The following ATE1 variants were observed in gnomAD, a reference collection of about 807,000 sequenced individuals.
ATE1 encodes the protein arginyltransferase 1, also known as arginyl-tRNA--protein transferase 1.
A neutral mutation model predicts 70.5 loss-of-function variants in ATE1; 36 were observed. That is an observed-to-expected ratio of 0.51 (90% CI 0.39 to 0.67). ATE1 has a LOEUF of 0.67. Among genes scored for constraint, ATE1 ranks in the 30% least tolerant of loss-of-function variants. ATE1 has a pLI of 0.00. For missense variants in ATE1, 593 were observed against 629.5 expected, an observed-to-expected ratio of 0.94 and a Z score of 0.62; for synonymous variants, 232 against 219.3, an observed-to-expected ratio of 1.06 and a Z score of -0.51.
At chr10:121,835,918 A>G (rs1948415865) in intron 10 of ATE1, among the ~76,000 whole-genome samples, 1 of 151,992 alleles carries the variant, frequency 6.6e-6, no homozygotes, top group African/African-American at 2.4e-5. Flanking sequence ...GTTAAGTCAT[A>G]TTTCTATGTG....
At chr10:121,856,877 A>G (rs1949269543) in intron 8 of ATE1, among the ~76,000 whole-genome samples, 1 of 152,212 alleles carries the variant, frequency 6.6e-6, no homozygotes, top group Non-Finnish European at 1.5e-5. Flanking sequence ...GTTGGTTTCT[A>G]AAGAGAATAG....
chr10:121,880,588 T>C (rs1051457508), intron 7 of ATE1, among the ~76,000 whole-genome samples: 1 of 150,270 alleles, frequency 6.7e-6, no homozygotes, highest in Admixed American at 6.7e-5. Flanking sequence ...TGTATATATA[T>C]ATAAATATTT....
Position 121,908,893 on chromosome 10 carries a change from A to T in ATE1, c.583+2013T>A, listed in dbSNP as rs548564142. 2.0e-5 allele frequency among the ~76,000 whole-genome samples: 3 copies of T among 152,374 alleles called. No homozygotes were observed. In the East Asian group the frequency reaches 5.8e-4, roughly 29 times the overall value. ...CGGGCAGAGGAACATGTTAAACTGC[A>T]AACGTAACCTGTCAGATACAGAAAG... On this transcript the variant is annotated intron_variant, in intron 5 of 11. Transcript: ENST00000224652.
rs1239650839 is a variant in ATE1, at chr10:121,841,103, A to C, written c.1136T>G (p.Leu379Trp). The C allele has an allele frequency of 1.3e-6, 2 of 1,571,268 alleles. No individual in the cohort carries two copies. Among genetic ancestry groups the C allele is most frequent in the Admixed American group, 1.7e-5 (1 of 58,408 alleles). Reference sequence around the variant, plus strand: ...TTACCGTAGTGCAGAGTAGACGCCCAAAGACAAAAACGAATAATCAGGATC... The same window carrying C: ...TTACCGTAGTGCAGAGTAGACGCCCCAAGACAAAAACGAATAATCAGGATC... ...YYDPDYSFLSLGVYSALREIA... is the reference protein window; with the variant it reads ...YYDPDYSFLSWGVYSALREIA... The change falls in exon 9 of 12, where the codon TTG (leucine) becomes TGG (tryptophan). Residue 379 changes from leucine to tryptophan, a missense_variant. Coordinates refer to ENST00000224652, the MANE Select transcript of ATE1 (RefSeq NM_001001976.3).
intron 8 of ATE1, among the ~76,000 whole-genome samples, chr10:121,861,611 A>T (rs1370587476): frequency 6.5e-5 from 1 of 15,362 alleles, no homozygotes. Context: ...GGGAGGGGGG[A>T]GGGGGGAGGG....
chr10:121,887,856 CAGAG>C (rs1344602089), intron 7 of ATE1, among the ~76,000 whole-genome samples: 2 of 152,132 alleles, frequency 1.3e-5, no homozygotes, highest in African/African-American at 4.8e-5. Flanking sequence ...CTCTTCTTTA[CAGAG>C]AGAAAGAATT....
chr10:121,771,554 T>C (rs986943969), intron 11 of ATE1, among the ~76,000 whole-genome samples: 1 of 152,204 alleles, frequency 6.6e-6, no homozygotes, highest in African/African-American at 2.4e-5. Context: ...TCCTAAAGCT[T>C]GTTCACACTC....
intron 8 of ATE1, among the ~76,000 whole-genome samples, chr10:121,848,369 T>G (rs1472732780): frequency 6.6e-6 from 1 of 151,324 alleles, no homozygotes; most frequent in Non-Finnish European, 1.5e-5. Context: ...GTAATCCCAG[T>G]ACTTTGGGAG....
rs978414244 is a variant in ATE1, at chr10:121,883,692, G to A, written c.943-13654C>T. Among the ~76,000 whole-genome samples the A allele has an allele frequency of 1.3e-5, 2 of 152,098 alleles. 1 individual carries two copies. Among genetic ancestry groups the A allele is most frequent in the South Asian group, 4.1e-4 (2 of 4,832 alleles). On this transcript the variant is annotated intron_variant, in intron 7 of 11. Coordinates refer to ENST00000224652, the MANE Select transcript of ATE1 (RefSeq NM_001001976.3). ...ACATAATATCTCAGCAATAAAAAAC[G>A]TTTCCAATGCTTGGAAAATTTGCTT... is the stretch of plus-strand genomic sequence containing the variant.
chr10:121,902,609 C>T lies in ATE1; in HGVS notation c.595G>A (p.Asp199Asn), dbSNP rs1951025731. The change falls in exon 6 of 12, where the codon GAT (aspartate) becomes AAT (asparagine). Residue 199 changes from aspartate (D) to asparagine (N), a missense_variant. Coordinates refer to ENST00000224652, the MANE Select transcript of ATE1 (RefSeq NM_001001976.3). ...TTTCGACATGGAGGCTTACTCAAAT[C>T]AGCCCCTTTGCCTAAAAAGAATTTT... ...HTVPKPGKGA[D>N]LSKPPCRKAK... 1 of 1,608,540 alleles carries T rather than the reference C, an allele frequency of 6.2e-7. No individual in the cohort carries two copies. Among genetic ancestry groups the T allele is most frequent in the Non-Finnish European group, 8.5e-7 (1 of 1,176,978 alleles).
At position 121,774,345 on chromosome 10, in the gene ATE1, C is replaced by A. The variant is rs993083550; in HGVS notation, c.1378+15824G>T. ...TAGTATATCATGGTATCTAATCCCC[C>A]CTCCTCCCCAATACTCTCTAACTTC... On this transcript the variant is annotated intron_variant, in intron 11 of 11. Transcript: ENST00000224652. Among the ~76,000 whole-genome samples the A allele has an allele frequency of 3.9e-5, 6 of 152,204 alleles. No individual in the cohort carries two copies. The East Asian group carries it at 1.2e-3, about 29-fold the overall frequency.
At chr10:121,928,434 C>A (rs1952195111), upstream of ATE1, 2 of 1,519,974 alleles carry the variant, frequency 1.3e-6, no homozygotes, top group Non-Finnish European at 1.8e-6. Flanking sequence ...GACGCCATGG[C>A]CGCCGCGAGG....
At chr10:121,828,666 T>C (rs1056447939) in intron 10 of ATE1, among the ~76,000 whole-genome samples, 7 of 152,194 alleles carry the variant, frequency 4.6e-5, no homozygotes, top group African/African-American at 1.7e-4. Context: ...CAGCCTAGAC[T>C]GCTGATGGGT....
intron 11 of ATE1, among the ~76,000 whole-genome samples, chr10:121,761,808 G>A (rs1407675881): frequency 6.6e-6 from 1 of 152,064 alleles, no homozygotes; most frequent in African/African-American, 2.4e-5. Context: ...GTAAATTATA[G>A]TATCTTGTAT....
At chr10:121,807,120 C>T (rs1481287189) in intron 10 of ATE1, among the ~76,000 whole-genome samples, 1 of 152,186 alleles carries the variant, frequency 6.6e-6, no homozygotes, top group Admixed American at 6.5e-5. Flanking sequence ...TCACACAGAG[C>T]AGGCCTCAGT....
At chr10:121,783,059 T>C (rs1946062022) in intron 11 of ATE1, among the ~76,000 whole-genome samples, 1 of 152,204 alleles carries the variant, frequency 6.6e-6, no homozygotes. Context: ...AATACAGTAG[T>C]AAAAAGTTTT....
chr10:121,801,062 T>C (rs557943621), intron 10 of ATE1, among the ~76,000 whole-genome samples: 2 of 152,214 alleles, frequency 1.3e-5, no homozygotes, highest in Admixed American at 1.3e-4. Flanking sequence ...CCATGCTCAG[T>C]TGGCGAGGTG....
At chr10:121,762,993 T>C (rs1018040483) in intron 11 of ATE1, among the ~76,000 whole-genome samples, 1 of 152,190 alleles carries the variant, frequency 6.6e-6, no homozygotes, top group African/African-American at 2.4e-5. Context: ...TGATGTTAAC[T>C]GAAGACTTAC....
intron 7 of ATE1, among the ~76,000 whole-genome samples, chr10:121,883,087 T>C (rs1950274484): frequency 1.3e-5 from 2 of 152,180 alleles, no homozygotes; most frequent in Non-Finnish European, 2.9e-5. Context: ...CACTTTCCTC[T>C]TGACTGTAAC....
Sources: allele counts gnomAD v4.1 joint callset (sites outside exome capture counted in the v4.1 genomes callset), GRCh38; gene constraint gnomAD v4.1.1; transcripts MANE v1.5; gene names NCBI Gene and HGNC (gene_info 2026-07-23, HGNC 2026-07-21).